The following ESR1 variants were observed in gnomAD, a reference collection of about 807,000 sequenced individuals.
ESR1 encodes the protein estrogen receptor 1.
ESR1 carries 12 observed loss-of-function variants against 52.7 expected under a neutral mutation model. The ratio of observed to expected loss-of-function variants is 0.23; its 90% CI spans 0.15 to 0.37. The LOEUF is 0.37. ESR1 is among the 10% of genes least tolerant of loss of function. The probability of loss-of-function intolerance (pLI) is 1.00; values close to 1 mark genes in which losing one functional copy is unlikely to be tolerated. For missense variants in ESR1, 584 were observed against 779.7 expected (o/e 0.75, Z 2.99); for synonymous variants, 305 against 316.8 (o/e 0.96, Z 0.39).
chr6:152,107,782 A>G (rs2051083578), downstream of ESR1, among the ~76,000 whole-genome samples: 1 of 152,114 alleles, frequency 6.6e-6, no homozygotes, highest in Non-Finnish European at 1.5e-5. Flanking sequence ...TCATTTTTTA[A>G]ATAACTCACC....
chr6:151,842,668 C>T lies in ESR1; in HGVS notation c.524C>T (p.Ala175Val), dbSNP rs2128234406. ...LASTNDKGSM[A>V]MESAKETRYC... ...AGTACCAATGACAAGGGAAGTATGGCTATGGAATCTGCCAAGGAGACTCGC... is the reference window on the plus strand; with the variant it reads ...AGTACCAATGACAAGGGAAGTATGGTTATGGAATCTGCCAAGGAGACTCGC... Residue 175 changes from alanine (A) to valine (V), a missense_variant, in exon 2 of 8, where the codon GCT becomes GTT. Coordinates refer to ENST00000206249, the MANE Select transcript of ESR1 (RefSeq NM_000125.4). 4 of 1,613,832 alleles carry T rather than the reference C, an allele frequency of 2.5e-6. No homozygotes were observed. The highest frequency in any genetic ancestry group is 3.4e-6 in the Non-Finnish European group (4 of 1,179,920).
intron 4 of ESR1, among the ~76,000 whole-genome samples, chr6:151,982,294 A>T (rs2040064775): frequency 6.6e-6 from 1 of 152,236 alleles, no homozygotes; most frequent in African/African-American, 2.4e-5. Context: ...GACTTTTTAA[A>T]GGCGCTTATG....
chr6:152,098,120 C>T lies in ESR1; in HGVS notation c.1554-612C>T, dbSNP rs1465236266. The stretch of plus-strand genomic sequence containing the variant: ...TGGGGGAGCTTAGTTCCTTTAAGGG[C>T]AGCACAAAAATCAGTGTGGCTCCGG... On this transcript the variant is annotated intron_variant, in intron 7 of 7. Transcript: ENST00000206249. This position sits in a 1 kb window ranked among gnomAD's most constrained non-coding sequence, Gnocchi z 5.1. 6.6e-6 allele frequency among the ~76,000 whole-genome samples: 1 copy of T among 151,974 alleles called. No homozygotes were observed. The highest frequency in any genetic ancestry group is 1.5e-5 in the Non-Finnish European group (1 of 67,994).
chr6:151,710,573 A>T (rs115728319), intron 2 of ESR1, among the ~76,000 whole-genome samples: 6,395 of 151,654 alleles, frequency 0.042, 451 homozygotes, highest in African/African-American at 0.15. Context: ...GGTAAATTGA[A>T]TTTTTTTTTA....
chr6:151,729,456 C>T (rs546262773), intron 2 of ESR1, among the ~76,000 whole-genome samples: 2 of 152,184 alleles, frequency 1.3e-5, no homozygotes, highest in African/African-American at 4.8e-5. Flanking sequence ...CCTATGTGTC[C>T]CTGGCACTGA....
chr6:152,110,458 T>G (rs970405682), intron 6 of ESR1, among the ~76,000 whole-genome samples: 1 of 151,728 alleles, frequency 6.6e-6, no homozygotes, highest in Non-Finnish European at 1.5e-5. Flanking sequence ...TTCTCACTTA[T>G]AAGTGGGAGC....
chr6:151,703,023 G>A (rs1779913911), intron 2 of ESR1, among the ~76,000 whole-genome samples: 1 of 152,174 alleles, frequency 6.6e-6, no homozygotes, highest in South Asian at 2.1e-4. Flanking sequence ...AAATTGCAAG[G>A]GAGGGGTTGG....
At chr6:151,968,591 C>T (rs893262856) in intron 4 of ESR1, among the ~76,000 whole-genome samples, 3 of 152,032 alleles carry the variant, frequency 2.0e-5, no homozygotes, top group Admixed American at 6.6e-5. Flanking sequence ...CATGTTTGTT[C>T]TCTTGTGTCC....
chr6:151,765,872 A>G (rs965374190), intron 2 of ESR1, among the ~76,000 whole-genome samples: 1 of 152,184 alleles, frequency 6.6e-6, no homozygotes, highest in Non-Finnish European at 1.5e-5. Flanking sequence ...GAGAGGAGAA[A>G]GGGGTTCAAT....
chr6:151,849,717 A>G (rs1433922525), intron 2 of ESR1, among the ~76,000 whole-genome samples: 1 of 151,748 alleles, frequency 6.6e-6, no homozygotes, highest in African/African-American at 2.4e-5. Context: ...TCACTGGGTT[A>G]GGTTGGTAAG....
In ESR1 at chr6:151,809,023, G is replaced by A. The variant is rs372563256; in HGVS notation, c.452+659G>A. 35 of 267,972 alleles carry A rather than the reference G, an allele frequency of 1.3e-4. 1 individual carries two copies. Among genetic ancestry groups the A allele is most frequent in the South Asian group, 1.2e-3 (35 of 28,636 alleles). 16.6% of individuals were successfully genotyped at this position (267,972 alleles called of 1,614,324 possible). A position where few individuals can be genotyped will look rare whatever the true frequency, so the allele number is the denominator to read the frequency against. ...GTTAGCTGGCTGAGTCCGCGCTGGAGCGGATTGCTGGCATGTGACTTCTGA... is the reference window on the plus strand; with the variant it reads ...GTTAGCTGGCTGAGTCCGCGCTGGAACGGATTGCTGGCATGTGACTTCTGA... On this transcript the variant is annotated intron_variant, in intron 1 of 7. Transcript: ENST00000206249.
chr6:151,679,386 G>A (rs574156795), intron 1 of ESR1, among the ~76,000 whole-genome samples: 125 of 152,174 alleles, frequency 8.2e-4, no homozygotes, highest in Non-Finnish European at 1.2e-3. Flanking sequence ...TTCTTGCTCC[G>A]TCACCCAGGC....
At chr6:151,879,695 A>G (rs1023234370) in intron 2 of ESR1, among the ~76,000 whole-genome samples, 1 of 152,150 alleles carries the variant, frequency 6.6e-6, no homozygotes, top group Non-Finnish European at 1.5e-5. Flanking sequence ...CTCACATTCA[A>G]TTCTTAGAAT....
chr6:151,970,065 C>A (rs536330865), intron 4 of ESR1, among the ~76,000 whole-genome samples: 1 of 152,052 alleles, frequency 6.6e-6, no homozygotes, highest in Non-Finnish European at 1.5e-5. Flanking sequence ...TTCACCTTCC[C>A]GTTATTTCTT....
intron 2 of ESR1, among the ~76,000 whole-genome samples, chr6:151,756,589 G>C (rs1440415570): frequency 1.3e-5 from 2 of 152,148 alleles, no homozygotes; most frequent in African/African-American, 4.8e-5. Flanking sequence ...AGACTTCTTT[G>C]TTTTGTCCAA....
In ESR1 at chr6:151,767,794, T is replaced by A. The variant is rs568196152; in HGVS notation, c.-70-40049T>A. On this transcript the variant is annotated intron_variant, in intron 2 of 2. Coordinates refer to the ESR1 transcript ENST00000404742. ...TAGTGGCTCCACAACTACCAAAGCC[T>A]TCTTAGTGTTCTCTGCTGGATCTTA... Among the ~76,000 whole-genome samples the A allele has an allele frequency of 1.2e-3, 190 of 152,304 alleles. 1 individual carries two copies. Among genetic ancestry groups the A allele is most frequent in the Non-Finnish European group, 2.4e-3 (165 of 68,028 alleles).
intron 1 of ESR1, among the ~76,000 whole-genome samples, chr6:151,819,288 TC>T (rs1052588571): frequency 6.6e-6 from 1 of 152,122 alleles, no homozygotes; most frequent in Admixed American, 6.6e-5. Flanking sequence ...AGAGTTGTCT[TC>T]CCCCTCTATG....
At chr6:151,664,799 G>A (rs1054884277) in intron 1 of ESR1, among the ~76,000 whole-genome samples, 6 of 152,154 alleles carry the variant, frequency 3.9e-5, no homozygotes, top group African/African-American at 1.4e-4. Context: ...AAAATGTATT[G>A]TGTCTGTGTT....
chr6:151,808,111 G>A lies in ESR1; in HGVS notation c.199G>A (p.Ala67Thr), dbSNP rs747623367. 1 of 1,610,838 alleles carries A rather than the reference G, an allele frequency of 6.2e-7. No homozygotes were observed. Among genetic ancestry groups the A allele is most frequent in the Admixed American group, 1.7e-5 (1 of 59,802 alleles). The change falls in exon 1 of 8, where the codon GCC becomes ACC. Residue 67 changes from alanine (A) to threonine (T), a missense_variant. Transcript: ENST00000206249. ...CGCCTACGAGTTCAACGCCGCGGCC[G>A]CCGCCAACGCGCAGGTCTACGGTCA... ...GAAYEFNAAA[A>T]ANAQVYGQTG...
Sources: gnomAD v4.1 joint callset for allele counts (sites outside exome capture counted in the v4.1 genomes callset) on GRCh38, gnomAD v4.1.1 for gene constraint, Gnocchi (gnomAD v3.1) non-coding constraint, MANE v1.5 for transcripts, NCBI Gene and HGNC (gene_info 2026-07-23, HGNC 2026-07-21) for gene names.